Variants in LINC00632 observed in about 807,000 individuals in gnomAD.
The protein encoded by LINC00632 is long independently transcribed non-coding RNA 632.
chrX:140,715,370 G>A (rs909915962), intron 2 of LINC00632, among the ~76,000 whole-genome samples: 50 of 111,309 alleles, frequency 4.5e-4, no homozygotes, highest in Admixed American at 3.8e-4. Context: ...CGAGGCGGGC[G>A]GATCACAAGG....
intron 2 of LINC00632, among the ~76,000 whole-genome samples, chrX:140,724,745 CTACA>C (rs1467532659): frequency 3.0e-4 from 2 of 6,723 alleles, no homozygotes; most frequent in Non-Finnish European, 7.2e-4. Flanking sequence ...CACACATTCC[CTACA>C]TACACACACA....
exon 5 of LINC00632, among the ~76,000 whole-genome samples, chrX:140,776,186 TG>T (rs1425700101): frequency 8.9e-6 from 1 of 112,138 alleles, no homozygotes; most frequent in Admixed American, 9.4e-5. Flanking sequence ...TCATCATCAC[TG>T]ATCATTAGAG....
intron 3 of LINC00632, among the ~76,000 whole-genome samples, chrX:140,742,843 G>T (rs1342169727): frequency 1.8e-5 from 1 of 55,506 alleles, no homozygotes; most frequent in South Asian, 1.1e-3. Flanking sequence ...AGGTGATAGA[G>T]AGAGAGAGAG....
At chrX:140,772,476 G>C (rs1931815192) in exon 4 of LINC00632, 2 of 291,061 alleles carry the variant, frequency 6.9e-6, no homozygotes, top group Non-Finnish European at 1.2e-5. Flanking sequence ...CGTGAGTTAG[G>C]GGTGAGAATG....
At chrX:140,732,528 C>A (rs1393452310) in intron 2 of LINC00632, among the ~76,000 whole-genome samples, 1 of 111,726 alleles carries the variant, frequency 9.0e-6, no homozygotes, top group African/African-American at 3.3e-5. Flanking sequence ...ATGCACATAT[C>A]CACACTGTTC....
At chrX:140,766,213 C>A (rs931433839) in intron 3 of LINC00632, among the ~76,000 whole-genome samples, 3 of 111,939 alleles carry the variant, frequency 2.7e-5, no homozygotes, top group Non-Finnish European at 1.9e-5. Flanking sequence ...CTGTAGCCAG[C>A]AGAGGGCACT....
intron 3 of LINC00632, among the ~76,000 whole-genome samples, chrX:140,771,679 A>T (rs75496833): frequency 0.45 from 25,434 of 56,644 alleles, 4,697 homozygotes; most frequent in South Asian, 0.57. Context: ...ATATATATAT[A>T]TATATATTTT....
exon 5 of LINC00632, among the ~76,000 whole-genome samples, chrX:140,781,288 G>A (rs1385619392): frequency 4.5e-5 from 5 of 111,195 alleles, no homozygotes; most frequent in Non-Finnish European, 5.7e-5. Context: ...CTGAAGCCAG[G>A]GTGCCTGAGA....
At chrX:140,761,988 T>G (rs994578112) in intron 3 of LINC00632, among the ~76,000 whole-genome samples, 2 of 111,640 alleles carry the variant, frequency 1.8e-5, no homozygotes, top group Admixed American at 9.5e-5. Context: ...TGTAGGACCT[T>G]GAGTAAGCCA....
intron 2 of LINC00632, among the ~76,000 whole-genome samples, chrX:140,721,376 A>G (rs1397471686): frequency 9.0e-6 from 1 of 111,473 alleles, no homozygotes; most frequent in African/African-American, 3.3e-5. Context: ...TGTGGAAGAC[A>G]GTTTTTCCAC....
At chrX:140,735,504 A>G (rs12353644) in intron 3 of LINC00632, among the ~76,000 whole-genome samples, 15,014 of 111,534 alleles carry the variant, frequency 0.13, 1,156 homozygotes, top group African/African-American at 0.29. Flanking sequence ...TGTGAAAATC[A>G]AAGTACTTAG....
At chrX:140,779,724 G>C (rs944395154) in exon 5 of LINC00632, among the ~76,000 whole-genome samples, 7 of 112,217 alleles carry the variant, frequency 6.2e-5, no homozygotes, top group Non-Finnish European at 1.3e-4. Flanking sequence ...TTGAGACACT[G>C]CATTTCATCT....
exon 5 of LINC00632, among the ~76,000 whole-genome samples, chrX:140,776,128 A>G (rs1216180564): frequency 2.7e-5 from 3 of 111,911 alleles, no homozygotes; most frequent in South Asian, 7.5e-4. Context: ...ATGAACAGAC[A>G]CTTCTCAAAA....
chrX:140,764,052 C>T (rs1293439910), intron 3 of LINC00632, among the ~76,000 whole-genome samples: 1 of 110,593 alleles, frequency 9.0e-6, no homozygotes, highest in South Asian at 3.9e-4. Flanking sequence ...AGGTGTCAAG[C>T]GTGCACAGGC....
intron 2 of LINC00632, among the ~76,000 whole-genome samples, chrX:140,733,055 G>C (rs1251670292): frequency 8.9e-6 from 1 of 112,246 alleles, no homozygotes; most frequent in East Asian, 2.8e-4. Flanking sequence ...GAGCCACTGC[G>C]CCCAGCCGAG....
intron 2 of LINC00632, among the ~76,000 whole-genome samples, chrX:140,724,614 CAA>C (rs1465081811): frequency 4.6e-5 from 2 of 43,409 alleles, no homozygotes; most frequent in Admixed American, 3.1e-4. Flanking sequence ...CACACACACA[CAA>C]ACACATATTC....
intron 3 of LINC00632, among the ~76,000 whole-genome samples, chrX:140,756,898 T>G (rs1405208699): frequency 9.0e-6 from 1 of 111,717 alleles, no homozygotes; most frequent in Non-Finnish European, 1.9e-5. Flanking sequence ...GTGTATACCC[T>G]ATTACATAAG....
chrX:140,760,858 G>T (rs1931585066), intron 3 of LINC00632, among the ~76,000 whole-genome samples: 1 of 111,878 alleles, frequency 8.9e-6, no homozygotes, highest in Admixed American at 9.5e-5. Flanking sequence ...CTCCATGTAT[G>T]ATATAAATCA....
intron 3 of LINC00632, among the ~76,000 whole-genome samples, chrX:140,744,569 G>A (rs5954083): frequency 7.1e-5 from 3 of 42,223 alleles, no homozygotes; most frequent in Non-Finnish European, 1.0e-4. Flanking sequence ...CTTTTTTTTG[G>A]GGGGGGGGGT....
Sources: allele counts gnomAD v4.1 joint callset (sites outside exome capture counted in the v4.1 genomes callset), GRCh38; gene constraint gnomAD v4.1.1; transcripts MANE v1.5; gene names NCBI Gene and HGNC (gene_info 2026-07-23, HGNC 2026-07-21).